C11orf65: variants seen among roughly 807,000 people sequenced by gnomAD.
C11orf65 encodes the protein protein MFI.
Under a neutral mutation model 35.3 loss-of-function variants are expected in C11orf65, and 38 were observed. The ratio of observed to expected loss-of-function variants is 1.08; its 90% CI spans 0.83 to 1.41. C11orf65 has a LOEUF of 1.41. C11orf65 is among the 40% of genes most tolerant of loss of function. The probability of loss-of-function intolerance (pLI) is 0.00; values close to 1 mark genes in which losing one functional copy is unlikely to be tolerated. For missense variants in C11orf65, 370 were observed against 367.1 expected (o/e 1.01, Z -0.06); for synonymous variants, 105 against 114.4 (o/e 0.92, Z 0.53).
chr11:108,339,600 G>C (rs2087266375), intron 2 of C11orf65, among the ~76,000 whole-genome samples: 1 of 152,014 alleles, frequency 6.6e-6, no homozygotes, highest in Non-Finnish European at 1.5e-5. Context: ...AGAAAACACT[G>C]TCATTTGCTT....
intron 2 of C11orf65, among the ~76,000 whole-genome samples, chr11:108,450,859 A>G (rs985057469): frequency 1.3e-5 from 2 of 152,012 alleles, no homozygotes; most frequent in African/African-American, 4.8e-5. Flanking sequence ...CAACGTACAC[A>G]AATCAATAAA....
intron 3 of C11orf65, chr11:108,331,748 C>G (rs1250478512): frequency 3.1e-6 from 4 of 1,292,250 alleles, no homozygotes; most frequent in Non-Finnish European, 4.3e-6. Flanking sequence ...TTTTCTCACA[C>G]ATGCAGGCAT....
downstream of C11orf65, among the ~76,000 whole-genome samples, chr11:108,329,896 CA>C (rs1397414334): frequency 6.6e-6 from 1 of 152,160 alleles, no homozygotes; most frequent in Non-Finnish European, 1.5e-5. Context: ...AAATTAATTA[CA>C]AAAGTTACCT....
intron 2 of C11orf65, among the ~76,000 whole-genome samples, chr11:108,432,123 A>C (rs534535407): frequency 1.3e-5 from 2 of 152,310 alleles, no homozygotes; most frequent in Admixed American, 1.3e-4. Context: ...TACTCTCCAG[A>C]GTAATCTAGA....
At chr11:108,444,552 C>T (rs991465882) in intron 2 of C11orf65, among the ~76,000 whole-genome samples, 17 of 152,112 alleles carry the variant, frequency 1.1e-4, no homozygotes, top group Middle Eastern at 3.2e-3. Flanking sequence ...TGATGAACAT[C>T]GATGCAAAAA....
intron 2 of C11orf65, among the ~76,000 whole-genome samples, chr11:108,370,617 G>GTT (rs1432130287): frequency 2.1e-5 from 3 of 140,882 alleles, no homozygotes; most frequent in Admixed American, 7.1e-5. Context: ...GCAGGGTTTT[G>GTT]TTTTGTTTTT....
At position 108,393,926 on chromosome 11, in the gene C11orf65, TA is replaced by T. The variant is rs1252582230; in HGVS notation, c.561-549del. On this transcript the variant is annotated intron_variant, in intron 6 of 8. Transcript: ENST00000393084. ...GGCCCAGCGCGGTGGCTCACGCCTA[TA>T]ATCACAGAACTTGGGAGGCCAACAT... Among the ~76,000 whole-genome samples the T allele has an allele frequency of 2.0e-5, 3 of 152,140 alleles. No individual in the cohort carries two copies. The East Asian group carries it at 5.8e-4, about 29-fold the overall frequency.
At chr11:108,309,831 G>T (rs2083993045) in intron 6 of C11orf65, among the ~76,000 whole-genome samples, 1 of 152,128 alleles carries the variant, frequency 6.6e-6, no homozygotes, top group Non-Finnish European at 1.5e-5. Context: ...TAGCTATTCT[G>T]TGTATCCTAT....
chr11:108,406,960 T>C lies in C11orf65; in HGVS notation c.232A>G (p.Lys78Glu). 3 of 1,604,672 alleles carry C rather than the reference T, an allele frequency of 1.9e-6. No individual in the cohort carries two copies. Among genetic ancestry groups the C allele is most frequent in the Non-Finnish European group, 1.7e-6 (2 of 1,172,194 alleles). Residue 78 changes from lysine (K) to glutamate (E), a missense_variant, in exon 5 of 9, where the codon AAA becomes GAA. Lys to Glu is a moderately conservative substitution (Grantham distance 56). Transcript: ENST00000393084. ...TTATAGTATATATCAGGTGGAAATT[T>C]AACCTGTAGAAGGAAAAGTTCAAAG... is the stretch of plus-strand genomic sequence containing the variant. Reference protein sequence around the residue: ...IHVRFRLGGVKFPPDIYYKIF... With the variant: ...IHVRFRLGGVEFPPDIYYKIF...
At chr11:108,335,783 G>C (rs1376291526) in intron 2 of C11orf65, 1 of 1,352,468 alleles carries the variant, frequency 7.4e-7, no homozygotes, top group African/African-American at 1.4e-5. Context: ...ATTCTCAGAT[G>C]ACTCTGTGTT....
chr11:108,326,481 T>C (rs1037451428), downstream of C11orf65, among the ~76,000 whole-genome samples: 5 of 152,146 alleles, frequency 3.3e-5, no homozygotes, highest in Admixed American at 6.6e-5. Context: ...TAACTTCCTA[T>C]AGAATTCAAG....
At chr11:108,342,961 A>G (rs1394156309) in intron 2 of C11orf65, among the ~76,000 whole-genome samples, 27 of 152,220 alleles carry the variant, frequency 1.8e-4, no homozygotes. Flanking sequence ...TATAGTTAAC[A>G]GGAGTGACCT....
intron 6 of C11orf65, among the ~76,000 whole-genome samples, chr11:108,316,753 CAAAAAA>C (rs58165074): frequency 0.011 from 798 of 72,430 alleles, 11 homozygotes; most frequent in African/African-American, 0.04. Context: ...ACTAAAAATA[CAAAAAA>C]AAAAAAAAAA....
chr11:108,405,491 C>T lies in C11orf65; in HGVS notation c.498G>A (p.Leu166=), dbSNP rs2092524641. Residue 166 remains leucine, a synonymous_variant, in exon 6 of 9, where the codon CTG becomes CTA. Transcript: ENST00000393084. ...TCTTTTCCAAATCTTGCCTTCTCTT[C>T]AGTTTAGAGAAATGGAATTCACTTT... The part of the protein sequence containing the change: ...KKESEFHFSK[L]KRRQDLEKKR... The T allele has an allele frequency of 6.2e-7, 1 of 1,612,858 alleles. No individual in the cohort carries two copies. Among genetic ancestry groups the T allele is most frequent in the Admixed American group, 1.7e-5 (1 of 59,982 alleles).
At chr11:108,325,586 T>A (rs1193796053) in intron 6 of C11orf65, 5 of 1,494,040 alleles carry the variant, frequency 3.3e-6, no homozygotes, top group Non-Finnish European at 4.6e-6. Flanking sequence ...CTCTTGACTT[T>A]CCTTTTATTA....
upstream of C11orf65, among the ~76,000 whole-genome samples, chr11:108,469,297 A>G (rs1207523456): frequency 6.6e-6 from 1 of 151,924 alleles, no homozygotes; most frequent in Non-Finnish European, 1.5e-5. Flanking sequence ...GAAACTAGTT[A>G]GAAGGATAAA....
At chr11:108,386,519 A>C (rs2092004355) in intron 7 of C11orf65, among the ~76,000 whole-genome samples, 1 of 152,186 alleles carries the variant, frequency 6.6e-6, no homozygotes, top group Non-Finnish European at 1.5e-5. Context: ...TGCAGCTGTC[A>C]CCTCAGCTCC....
intron 6 of C11orf65, among the ~76,000 whole-genome samples, chr11:108,396,790 C>T (rs767234225): frequency 8.7e-5 from 13 of 150,168 alleles, no homozygotes; most frequent in Admixed American, 1.3e-4. Context: ...GCTGAGATGG[C>T]GCCACTGCAC....
rs562264493 is a variant in C11orf65, at chr11:108,331,530, C to T, written c.*20G>A. 1.9e-5 allele frequency: 30 copies of T among 1,612,086 alleles called. No individual in the cohort carries two copies. In the South Asian group the frequency reaches 2.8e-4, roughly 15 times the overall value. On this transcript the variant is annotated 3_prime_UTR_variant, in exon 4 of 4. Coordinates refer to the C11orf65 transcript ENST00000524755. The stretch of plus-strand genomic sequence containing the variant: ...GAATGGGGACCAAGATGATGGGAGG[C>T]CTAGGATTTCATGAAGTCCTCAATA...
Sources: gnomAD v4.1 joint callset for allele counts (sites outside exome capture counted in the v4.1 genomes callset) on GRCh38, gnomAD v4.1.1 for gene constraint, MANE v1.5 for transcripts, NCBI Gene and HGNC (gene_info 2026-07-23, HGNC 2026-07-21) for gene names.